THSD7A: variants seen among roughly 807,000 people sequenced by gnomAD.
The protein encoded by THSD7A is thrombospondin type-1 domain-containing protein 7A.
THSD7A carries 96 observed loss-of-function variants against 231.3 expected under a neutral mutation model. That is an observed-to-expected ratio of 0.41 (90% confidence interval 0.35 to 0.49). The LOEUF is 0.49. THSD7A is among the 20% of genes least tolerant of loss of function. The pLI is 0.05. For missense variants in THSD7A, 2,290 were observed against 2,070.2 expected (o/e 1.11, Z -2.06); for synonymous variants, 940 against 743.3 (o/e 1.26, Z -4.30).
At chr7:11,641,789 A>G (rs970669736) in intron 1 of THSD7A, among the ~76,000 whole-genome samples, 1 of 151,776 alleles carries the variant, frequency 6.6e-6, no homozygotes, top group East Asian at 1.9e-4. Context: ...AAATAAATAA[A>G]CCCATCGTCC....
intron 6 of THSD7A, among the ~76,000 whole-genome samples, chr7:11,514,789 G>A (rs1028047551): frequency 2.6e-5 from 4 of 152,102 alleles, no homozygotes; most frequent in Non-Finnish European, 4.4e-5. Flanking sequence ...ATAAATGACT[G>A]TACTTGCTTT....
intron 4 of THSD7A, among the ~76,000 whole-genome samples, chr7:11,568,660 A>T (rs1790482908): frequency 7.0e-6 from 1 of 143,734 alleles, no homozygotes. Context: ...AAAAACCAAA[A>T]TCTGGAACAA....
intron 4 of THSD7A, among the ~76,000 whole-genome samples, chr7:11,552,789 G>C (rs983120456): frequency 6.6e-6 from 1 of 152,040 alleles, no homozygotes; most frequent in Admixed American, 6.6e-5. Flanking sequence ...ATCAACAGGA[G>C]AGTTCATTTG....
At position 11,750,753 on chromosome 7, in the gene THSD7A, G is replaced by C. The variant is rs183095648; in HGVS notation, c.190+81004C>G. Among the ~76,000 whole-genome samples the C allele has an allele frequency of 2.0e-5, 3 of 151,988 alleles. No individual in the cohort carries two copies. The East Asian group carries it at 5.8e-4, about 29-fold the overall frequency. On this transcript the variant is annotated intron_variant, in intron 1 of 27. Coordinates refer to ENST00000423059, the MANE Select transcript of THSD7A (RefSeq NM_015204.3). ...TTCATTAGAGACCTCAGTAAGACTA[G>C]TCTAACGGCAGAAATAAAGGACAAA...
intron 27 of THSD7A, 30 bp from the exon 28 acceptor site, chr7:11,375,908 A>G: frequency 6.3e-7 from 1 of 1,598,244 alleles, no homozygotes; most frequent in South Asian, 1.1e-5. Flanking sequence ...TAGGAGAAAG[A>G]AAATCAGTTT....
intron 4 of THSD7A, among the ~76,000 whole-genome samples, chr7:11,570,982 A>G (rs77449014): frequency 0.043 from 6,535 of 152,286 alleles, 446 homozygotes; most frequent in African/African-American, 0.15. Context: ...TTCTTGATGA[A>G]GTCCTCAGAG....
intron 4 of THSD7A, among the ~76,000 whole-genome samples, chr7:11,557,790 C>G (rs772549136): frequency 9.9e-5 from 15 of 152,022 alleles, no homozygotes; most frequent in Non-Finnish European, 5.9e-5. Flanking sequence ...GTGGGGAGTG[C>G]TTTACCAGAT....
At chr7:11,485,569 T>C (rs557267132) in intron 6 of THSD7A, among the ~76,000 whole-genome samples, 4 of 151,600 alleles carry the variant, frequency 2.6e-5, no homozygotes, top group East Asian at 2.0e-4. Context: ...TTAAAAGAAA[T>C]TGAGACTCAA....
At chr7:11,749,493 G>T (rs902197292) in intron 1 of THSD7A, among the ~76,000 whole-genome samples, 3 of 151,404 alleles carry the variant, frequency 2.0e-5, no homozygotes, top group African/African-American at 7.3e-5. Flanking sequence ...TAAGTATAGC[G>T]GCCATCACCC....
In THSD7A at chr7:11,806,875, G is replaced by T. The variant is rs193204027; in HGVS notation, c.190+24882C>A. Reference sequence around the variant, plus strand: ...TAGGCCTTCTAAGTTCCTCATCTTAGATCTTTAGGTCTTTCTCTCCACTGC... The same window carrying T: ...TAGGCCTTCTAAGTTCCTCATCTTATATCTTTAGGTCTTTCTCTCCACTGC... On this transcript the variant is annotated intron_variant, in intron 1 of 27. Coordinates refer to ENST00000423059, the MANE Select transcript of THSD7A (RefSeq NM_015204.3). Among the ~76,000 whole-genome samples, 524 of 152,108 alleles carry T rather than the reference G, an allele frequency of 3.4e-3. 3 individuals carry two copies. Among genetic ancestry groups the T allele is most frequent in the African/African-American group, 0.011 (470 of 41,506 alleles).
intron 4 of THSD7A, among the ~76,000 whole-genome samples, chr7:11,569,921 C>T (rs58924073): frequency 0.26 from 39,876 of 152,076 alleles, 5,325 homozygotes; most frequent in Middle Eastern, 0.41. Flanking sequence ...ATTGTAATCC[C>T]AGCACTTTGG....
chr7:11,525,633 A>G (rs1403161398), intron 6 of THSD7A, among the ~76,000 whole-genome samples: 2 of 152,174 alleles, frequency 1.3e-5, no homozygotes, highest in African/African-American at 4.8e-5. Flanking sequence ...TCAGAAGTGT[A>G]TATGTATAAT....
At chr7:11,806,968 A>G (rs2128183121) in intron 1 of THSD7A, among the ~76,000 whole-genome samples, 1 of 152,262 alleles carries the variant, frequency 6.6e-6, no homozygotes, top group Admixed American at 6.5e-5. Flanking sequence ...TTACTTTTGT[A>G]GACTGAAATC....
At chr7:11,722,793 G>C (rs931863828) in intron 1 of THSD7A, among the ~76,000 whole-genome samples, 4 of 151,976 alleles carry the variant, frequency 2.6e-5, no homozygotes, top group African/African-American at 9.7e-5. Context: ...TCTCACACCA[G>C]TTAGAATGGC....
intron 5 of THSD7A, among the ~76,000 whole-genome samples, chr7:11,542,121 T>C (rs1789177429): frequency 6.6e-6 from 1 of 152,244 alleles, no homozygotes; most frequent in African/African-American, 2.4e-5. Context: ...AGAAGTTGGA[T>C]GGTTCCAGAG....
intron 6 of THSD7A, among the ~76,000 whole-genome samples, chr7:11,485,779 T>A (rs1786631778): frequency 6.6e-6 from 1 of 152,176 alleles, no homozygotes; most frequent in Non-Finnish European, 1.5e-5. Context: ...CTCAAGTTGT[T>A]TGTCAACACA....
At chr7:11,408,509 A>C (rs1340598074) in intron 19 of THSD7A, among the ~76,000 whole-genome samples, 2 of 151,856 alleles carry the variant, frequency 1.3e-5, no homozygotes, top group Non-Finnish European at 2.9e-5. Flanking sequence ...AAAATAAAAA[A>C]AAAAAAATGA....
intron 6 of THSD7A, among the ~76,000 whole-genome samples, chr7:11,482,710 C>T (rs1257899089): frequency 6.6e-6 from 1 of 152,144 alleles, no homozygotes; most frequent in East Asian, 1.9e-4. Flanking sequence ...TTTACAAGAC[C>T]TCGACCTCAA....
At chr7:11,426,592 A>ATGTATTCTC in intron 15 of THSD7A, 74 bp downstream of exon 15, 1 of 1,408,214 alleles carries the variant, frequency 7.1e-7, no homozygotes, top group Admixed American at 2.4e-5. Context: ...AAGAAGAGAA[A>ATGTATTCTC]TGTATTCTCA....
Sources: gnomAD v4.1 joint callset for allele counts (sites outside exome capture counted in the v4.1 genomes callset) on GRCh38, gnomAD v4.1.1 for gene constraint, MANE v1.5 for transcripts, NCBI Gene and HGNC (gene_info 2026-07-23, HGNC 2026-07-21) for gene names.